The following MACF1 variants were observed in gnomAD, a reference collection of about 807,000 sequenced individuals.
MACF1 encodes microtubule-actin cross-linking factor 1.
In MACF1, 193 loss-of-function variants were observed where a neutral mutation model predicts 854.8. The ratio of observed to expected loss-of-function variants is 0.23; its 90% confidence interval spans 0.20 to 0.25. The LOEUF is 0.25. MACF1 is among the 10% of genes least tolerant of loss of function. The pLI is 1.00. For missense variants in MACF1, 7,722 were observed against 8,929.1 expected, an observed-to-expected ratio of 0.86 and a Z score of 5.45; for synonymous variants, 3,185 against 3,226.7, an observed-to-expected ratio of 0.99 and a Z score of 0.44.
At chr1:39,401,416 AGAC>A (rs1174017902) in intron 58 of MACF1, among the ~76,000 whole-genome samples, 6 of 152,216 alleles carry the variant, frequency 3.9e-5, no homozygotes, top group Admixed American at 6.5e-5. Context: ...TCTTTAGGAA[AGAC>A]ATCTCTTAAT....
At chr1:39,471,440 G>C (rs1644775434) in intron 97 of MACF1, among the ~76,000 whole-genome samples, 1 of 152,202 alleles carries the variant, frequency 6.6e-6, no homozygotes, top group Non-Finnish European at 1.5e-5. Flanking sequence ...TACAAGATGT[G>C]TGACAAGGTT....
At chr1:39,446,563 A>G (rs1327339485) in intron 80 of MACF1, among the ~76,000 whole-genome samples, 1 of 151,976 alleles carries the variant, frequency 6.6e-6, no homozygotes, top group Non-Finnish European at 1.5e-5. Context: ...AGAAATTACA[A>G]CCCAGTCAGG....
intron 40 of MACF1, among the ~76,000 whole-genome samples, chr1:39,346,457 G>A (rs936694302): frequency 1.3e-5 from 2 of 152,038 alleles, no homozygotes; most frequent in African/African-American, 4.8e-5. Flanking sequence ...AATCAAGGTA[G>A]GTCCAGTAAA....
intron 33 of MACF1, 63 bp downstream of exon 33, chr1:39,323,071 G>A (rs1274950230): frequency 7.4e-6 from 11 of 1,486,964 alleles, no homozygotes; most frequent in Non-Finnish European, 1.0e-5. Flanking sequence ...CCAGCACGGT[G>A]GTGTGTGCCT....
rs1267905548 is a variant in MACF1, at chr1:39,332,992, C to A, written c.6404C>A (p.Pro2135His). ...NASRGHLLTI[P>H]PAEAEGVPLV... ...AGCAGGGGACACCTCCTGACCATACCTCCTGCTGAGGCGGAAGGTGTGCCG... is the reference window on the plus strand; with the variant it reads ...AGCAGGGGACACCTCCTGACCATACATCCTGCTGAGGCGGAAGGTGTGCCG... Residue 2135 changes from proline (P) to histidine (H), a missense_variant, in exon 37 of 101, where the codon CCT (proline) becomes CAT (histidine). Pro to His is a moderately conservative substitution (Grantham distance 77, BLOSUM62 -2). Around this residue, in one of 15 missense-constraint regions of MACF1, gnomAD observed 1,531 missense variants for 1,601.6 expected, o/e 0.96. Transcript: ENST00000564288. 4 of 1,614,144 alleles carry A rather than the reference C, an allele frequency of 2.5e-6. No homozygotes were observed. Among genetic ancestry groups the A allele is most frequent in the Non-Finnish European group, 3.4e-6 (4 of 1,180,048 alleles).
At chr1:39,412,580 T>A in intron 58 of MACF1, 2 of 1,613,988 alleles carry the variant, frequency 1.2e-6, no homozygotes, top group Middle Eastern at 1.6e-4. Context: ...GAACTGAGAC[T>A]TAATCCAGAT....
At chr1:39,161,094 G>A (rs1338269033) in intron 2 of MACF1, among the ~76,000 whole-genome samples, 1 of 152,114 alleles carries the variant, frequency 6.6e-6, no homozygotes, top group Admixed American at 6.6e-5. Context: ...ATCCAGAATT[G>A]GGGTGCAATA....
chr1:39,085,034 C>G lies in MACF1; in HGVS notation c.220+596C>G, dbSNP rs202132015. Among the ~76,000 whole-genome samples the G allele has an allele frequency of 9.9e-5, 15 of 152,262 alleles. No homozygotes were observed. The East Asian group carries it at 2.5e-3, about 26-fold the overall frequency. ...ACGACGTGAAGGCTGGGGCTACCTC[C>G]TGTGGTGGGATGTGCCCAGCTCTTT... On this transcript the variant is annotated intron_variant, in intron 2 of 93. Transcript: ENST00000361689.
At chr1:39,304,670 T>C (rs754617989) in intron 23 of MACF1, 6 of 442,194 alleles carry the variant, frequency 1.4e-5, no homozygotes, top group Admixed American at 3.5e-5. Context: ...TTCACGCCAT[T>C]CTCCTGCCTC....
chr1:39,403,841 C>A (rs67565124), intron 58 of MACF1, among the ~76,000 whole-genome samples: 1 of 62,736 alleles, frequency 1.6e-5, no homozygotes, highest in Non-Finnish European at 2.8e-5. Flanking sequence ...AATTTTTGGG[C>A]GGGGGGGCCG....
intron 86 of MACF1, 157 bp from the exon 87 acceptor site, chr1:39,452,527 G>A: frequency 1.7e-6 from 2 of 1,155,522 alleles, no homozygotes; most frequent in African/African-American, 1.5e-5. Context: ...GAATTCAGTT[G>A]ATTTTCAAAG....
rs1413174486 is a variant in MACF1 at position 39,442,825 on chromosome 1, C to T, written c.19216C>T (p.Arg6406Cys). The T allele has an allele frequency of 9.3e-6, 15 of 1,613,936 alleles. No homozygotes were observed. The highest frequency in any genetic ancestry group is 5.3e-5 in the African/African-American group (4 of 74,898). Reference protein sequence around the residue: ...AGDDASSLRSRLEAMNQCWES... With the variant: ...AGDDASSLRSCLEAMNQCWES... ...AGATGATGCCAGCAGCTTAAGGAGC[C>T]GTTTGGAAGCCATGAACCAATGCTG... The change falls in exon 78 of 101, where the codon CGT becomes TGT. Residue 6406 changes from arginine to cysteine, a missense_variant. Arg to Cys is a radical substitution (Grantham distance 180, BLOSUM62 -3). Coordinates refer to ENST00000564288, the MANE Select transcript of MACF1 (RefSeq NM_001394062.1).
At chr1:39,228,834 A>G (rs12089235) in intron 1 of MACF1, among the ~76,000 whole-genome samples, 4,703 of 152,128 alleles carry the variant, frequency 0.031, 235 homozygotes, top group African/African-American at 0.11. Context: ...TTGTATTTTT[A>G]GTAGAGACGG....
At chr1:39,351,139 C>A in intron 43 of MACF1, 121 bp downstream of exon 43, 1 of 680,284 alleles carries the variant, frequency 1.5e-6, no homozygotes. Context: ...GGAAGGGCTA[C>A]TTCAGGAGCT....
At chr1:39,116,404 G>GTGTGTGCA (rs397739755) in intron 2 of MACF1, among the ~76,000 whole-genome samples, 1 of 151,242 alleles carries the variant, frequency 6.6e-6, no homozygotes, top group Non-Finnish European at 1.5e-5. Context: ...GTGTGTGTGT[G>GTGTGTGCA]CACGTGTGTG....
At chr1:39,342,407 A>G (rs1421248582) in intron 40 of MACF1, among the ~76,000 whole-genome samples, 5 of 152,170 alleles carry the variant, frequency 3.3e-5, no homozygotes, top group Non-Finnish European at 7.4e-5. Context: ...TCCTTTGGGT[A>G]TATACCCAAT....
chr1:39,128,691 T>TC (rs1642923883), intron 2 of MACF1, among the ~76,000 whole-genome samples: 1 of 151,218 alleles, frequency 6.6e-6, no homozygotes, highest in African/African-American at 2.4e-5. Context: ...AGGGTGAGAC[T>TC]CCGTCTCAAA....
In MACF1 at chr1:39,479,868, C is replaced by G. The variant is rs1644982403; in HGVS notation, c.22029C>G (p.Thr7343=). ...ILPEGASQGM[T]PFRSRGRRSK... ...CAGAGGGAGCATCCCAGGGAATGAC[C>G]CCCTTCCGCTCACGGGGTCGAAGGT... Residue 7343 remains threonine, a synonymous_variant, in exon 98 of 101, where the codon ACC becomes ACG. Transcript: ENST00000564288. The G allele has an allele frequency of 1.2e-6, 2 of 1,614,208 alleles. No individual in the cohort carries two copies. The highest frequency in any genetic ancestry group is 2.7e-5 in the African/African-American group (2 of 75,056).
chr1:39,485,651 T>G lies in MACF1; in HGVS notation c.22525T>G (p.Ser7509Ala), dbSNP rs763927024. ...ASDFDLLETQ[S>A]ACSDTSESSA... Reference sequence around the variant, plus strand: ...TGACTTTGACCTCTTAGAGACGCAGTCTGCTTGTTCCGACACTTCAGAAAG... The same window carrying G: ...TGACTTTGACCTCTTAGAGACGCAGGCTGCTTGTTCCGACACTTCAGAAAG... The change falls in exon 101 of 101, where the codon TCT becomes GCT. Residue 7509 changes from serine (S) to alanine (A), a missense_variant. Coordinates refer to ENST00000564288, the MANE Select transcript of MACF1 (RefSeq NM_001394062.1). 6.2e-7 allele frequency: 1 copy of G among 1,614,150 alleles called. No homozygotes were observed. Among genetic ancestry groups the G allele is most frequent in the East Asian group, 2.2e-5 (1 of 44,874 alleles).
Sources: allele counts gnomAD v4.1 joint callset (sites outside exome capture counted in the v4.1 genomes callset), GRCh38; gene constraint gnomAD v4.1.1; regional missense constraint gnomAD v4.1.1; transcripts MANE v1.5; gene names NCBI Gene and HGNC (gene_info 2026-07-23, HGNC 2026-07-21).